The following TRDMT1 variants were observed in gnomAD, a reference collection of about 807,000 sequenced individuals.
TRDMT1 encodes the protein tRNA (cytosine(38)-C(5))-methyltransferase.
Under a neutral mutation model 51.2 loss-of-function variants are expected in TRDMT1, and 49 were observed. That is an observed-to-expected ratio of 0.96 (90% confidence interval 0.76 to 1.21). The LOEUF is 1.21. Among genes scored for constraint, TRDMT1 ranks in the 50% most tolerant of loss-of-function variants. The pLI is 0.00. For synonymous variants in TRDMT1, 187 were observed against 164.6 expected (o/e 1.14, Z -1.04); for missense variants, 534 against 462.3 (o/e 1.16, Z -1.42).
chr10:17,167,314 C>T (rs2131471902), intron 3 of TRDMT1, among the ~76,000 whole-genome samples: 1 of 152,264 alleles, frequency 6.6e-6, no homozygotes, highest in Admixed American at 6.5e-5. Flanking sequence ...TGATATTCTA[C>T]TTAAAATCAT....
At chr10:17,174,419 C>T in intron 2 of TRDMT1, 132 bp downstream of exon 2, 1 of 577,120 alleles carries the variant, frequency 1.7e-6, no homozygotes, top group Non-Finnish European at 3.0e-6. Flanking sequence ...AAATGTTAAT[C>T]TCCTTCTCCT....
Position 17,145,277 on chromosome 10 carries a change from C to CAAAAA in TRDMT1, c.*3758_*3762dup. 1 of 940,488 alleles carries CAAAAA rather than the reference C, an allele frequency of 1.1e-6. No individual in the cohort carries two copies. Among genetic ancestry groups the CAAAAA allele is most frequent in the South Asian group, 5.0e-5 (1 of 20,062 alleles). 58.3% of individuals were successfully genotyped at this position (940,488 alleles called of 1,614,324 possible). A position where few individuals can be genotyped will look rare whatever the true frequency, so the allele number is the denominator to read the frequency against. ...CAAAACAAAACAAAACAAAACAAAACAAAAAAAACAGCAAAGGGAAACTCT... is the reference window on the plus strand; with the variant it reads ...CAAAACAAAACAAAACAAAACAAAACAAAAAAAAAAAAACAGCAAAGGGAAACTCT... On this transcript the variant is annotated 3_prime_UTR_variant, in exon 11 of 11. Coordinates refer to ENST00000377799, the MANE Select transcript of TRDMT1 (RefSeq NM_004412.7).
At chr10:17,153,171 G>T (rs750527778) in intron 10 of TRDMT1, 1 of 418,436 alleles carries the variant, frequency 2.4e-6, no homozygotes, top group African/African-American at 2.0e-5. Flanking sequence ...GGGGTGATTA[G>T]GAGAGGACCT....
chr10:17,201,293 A>G (rs1187653565), intron 1 of TRDMT1: 3 of 427,216 alleles, frequency 7.0e-6, no homozygotes, highest in African/African-American at 6.3e-5. Context: ...TTTGAGGTTG[A>G]TTTACTGCCT....
chr10:17,187,424 A>C (rs1044111473), intron 1 of TRDMT1, among the ~76,000 whole-genome samples: 1 of 152,188 alleles, frequency 6.6e-6, no homozygotes. Context: ...TGTCCTTTTA[A>C]AAAAATAATT....
chr10:17,145,032 T>C lies in TRDMT1; in HGVS notation c.*4008A>G. 1 of 948,094 alleles carries C rather than the reference T, an allele frequency of 1.1e-6. No homozygotes were observed. The highest frequency in any genetic ancestry group is 1.3e-6 in the Non-Finnish European group (1 of 795,966). The allele number at this position is 948,094 out of a possible 1,614,324, so 58.7% of individuals were successfully genotyped here. ...GGGAAGCCAAGGTGGGTGGATTAAC[T>C]TGAGGTCAGGTGTTCGAGACCAGCC... On this transcript the variant is annotated 3_prime_UTR_variant, in exon 11 of 11. Coordinates refer to ENST00000377799, the MANE Select transcript of TRDMT1 (RefSeq NM_004412.7).
chr10:17,176,115 T>C (rs763873508), intron 1 of TRDMT1, among the ~76,000 whole-genome samples: 2 of 152,228 alleles, frequency 1.3e-5, no homozygotes, highest in Non-Finnish European at 2.9e-5. Context: ...AATATTAATA[T>C]ATAAGGATCC....
Position 17,146,371 on chromosome 10 carries a change from T to A in TRDMT1, c.*2669A>T, listed in dbSNP as rs1838108729. 1 of 985,440 alleles carries A rather than the reference T, an allele frequency of 1.0e-6. No individual in the cohort carries two copies. The highest frequency in any genetic ancestry group is 1.7e-5 in the African/African-American group (1 of 57,376). 61.0% of individuals were successfully genotyped at this position (985,440 alleles called of 1,614,324 possible). A position where few individuals can be genotyped will look rare whatever the true frequency, so the allele number is the denominator to read the frequency against. On this transcript the variant is annotated 3_prime_UTR_variant, in exon 11 of 11. Coordinates refer to ENST00000377799, the MANE Select transcript of TRDMT1 (RefSeq NM_004412.7). The stretch of plus-strand genomic sequence containing the variant: ...ACAGAACACCATGGCCAGGGTCCTC[T>A]GTGAAGGTGATGCCATCATTCCTCT...
chr10:17,159,797 G>C (rs1225466165), intron 6 of TRDMT1, among the ~76,000 whole-genome samples: 1 of 152,046 alleles, frequency 6.6e-6, no homozygotes, highest in Non-Finnish European at 1.5e-5. Flanking sequence ...ACAAAAAGCT[G>C]ACAGCAACAC....
In TRDMT1 at chr10:17,183,116, G is replaced by T. The variant is rs370653479; in HGVS notation, c.65-8456C>A. 1.1e-4 allele frequency among the ~76,000 whole-genome samples: 16 copies of T among 152,300 alleles called. No homozygotes were observed. The East Asian group carries it at 3.1e-3, about 29-fold the overall frequency. On this transcript the variant is annotated intron_variant, in intron 1 of 10. Transcript: ENST00000377799. Reference sequence around the variant, plus strand: ...TGTAAACAAGTATGTAAAGATAAGAGTGTATCATTACATACATGTATGAAA... The same window carrying T: ...TGTAAACAAGTATGTAAAGATAAGATTGTATCATTACATACATGTATGAAA...
chr10:17,159,829 A>C (rs1346240239), intron 6 of TRDMT1, among the ~76,000 whole-genome samples: 1 of 152,160 alleles, frequency 6.6e-6, no homozygotes, highest in Non-Finnish European at 1.5e-5. Flanking sequence ...AAATCTGTCA[A>C]ATAACTTGTC....
At chr10:17,163,098 C>A (rs190641655) in intron 3 of TRDMT1, among the ~76,000 whole-genome samples, 21 of 152,170 alleles carry the variant, frequency 1.4e-4, no homozygotes, top group Admixed American at 2.6e-4. Context: ...ACAATTTTGT[C>A]CAAAGTAAAT....
At position 17,168,101 on chromosome 10, in the gene TRDMT1, T is replaced by C. The variant is rs1007141404; in HGVS notation, c.251+740A>G. ...GAGGATAGCTTGAGCCCAGGGCTTT[T>C]AGGCCAGCCGTGGCAACATAGTGAG... is the stretch of plus-strand genomic sequence containing the variant. On this transcript the variant is annotated intron_variant, in intron 3 of 10. Transcript: ENST00000377799. Among the ~76,000 whole-genome samples, 7 of 152,062 alleles carry C rather than the reference T, an allele frequency of 4.6e-5. No individual in the cohort carries two copies. The South Asian group carries it at 1.0e-3, about 23-fold the overall frequency.
intron 1 of TRDMT1, among the ~76,000 whole-genome samples, chr10:17,178,677 G>GAAA (rs3054721): frequency 9.6e-6 from 1 of 104,042 alleles, no homozygotes; most frequent in African/African-American, 3.2e-5. Context: ...CTCTGTCTCG[G>GAAA]AAAAAAAAAA....
chr10:17,177,760 C>G (rs2131539267), intron 1 of TRDMT1, among the ~76,000 whole-genome samples: 1 of 120,306 alleles, frequency 8.3e-6, no homozygotes, highest in Non-Finnish European at 1.9e-5. Context: ...ATTTGAATAG[C>G]AATACTTTCC....
At chr10:17,186,078 AATAAATAAATAT>A (rs1299690803) in intron 1 of TRDMT1, among the ~76,000 whole-genome samples, 2 of 151,458 alleles carry the variant, frequency 1.3e-5, no homozygotes, top group African/African-American at 2.4e-5. Context: ...TAAATAAATA[AATAAATAAATAT>A]GGTCAATGCA....
intron 1 of TRDMT1, among the ~76,000 whole-genome samples, chr10:17,183,474 G>A (rs368415869): frequency 2.3e-4 from 35 of 152,204 alleles, no homozygotes; most frequent in African/African-American, 6.5e-4. Flanking sequence ...CTGGAGTGCC[G>A]TGGCATGATC....
intron 10 of TRDMT1, chr10:17,151,401 C>A: frequency 1.0e-6 from 1 of 981,020 alleles, no homozygotes; most frequent in Non-Finnish European, 1.2e-6. Flanking sequence ...TACACACCAC[C>A]AGTCACAGAA....
At chr10:17,154,526 T>C (rs928385805) in intron 9 of TRDMT1, 151 bp downstream of exon 9, 1 of 403,422 alleles carries the variant, frequency 2.5e-6, no homozygotes, top group African/African-American at 2.1e-5. Flanking sequence ...TCCACAGTAA[T>C]AAAATATTAT....
Sources: gnomAD v4.1 joint callset for allele counts (sites outside exome capture counted in the v4.1 genomes callset) on GRCh38, gnomAD v4.1.1 for gene constraint, MANE v1.5 for transcripts, NCBI Gene and HGNC (gene_info 2026-07-23, HGNC 2026-07-21) for gene names.